MITD1: variants seen among roughly 807,000 people sequenced by gnomAD.
MITD1 encodes the protein microtubule interacting and trafficking domain containing 1, also known as MIT domain-containing protein 1.
A neutral mutation model predicts 34.9 loss-of-function variants in MITD1; 24 were observed. That is an observed-to-expected ratio of 0.69 (90% CI 0.50 to 0.97). The LOEUF is 0.97. MITD1 is among the 50% of genes least tolerant of loss of function. MITD1 has a pLI of 0.00. For missense variants in MITD1, 266 were observed against 294.6 expected (o/e 0.90, Z 0.71); for synonymous variants, 102 against 101.4 (o/e 1.01, Z -0.04).
chr2:99,177,261 A>G (rs1416959604), intron 1 of MITD1, among the ~76,000 whole-genome samples: 2 of 152,124 alleles, frequency 1.3e-5, no homozygotes, highest in Non-Finnish European at 2.9e-5. Flanking sequence ...ATTACGCTAC[A>G]GTTTCTCAGG....
At chr2:99,180,175 C>T (rs6542870) in intron 1 of MITD1, among the ~76,000 whole-genome samples, 91,017 of 152,058 alleles carry the variant, frequency 0.6, 28,015 homozygotes, top group East Asian at 0.88. Context: ...CACACCGAAC[C>T]TCATCCGTTT....
At position 99,171,389 on chromosome 2, in the gene MITD1, C is replaced by G. The variant is rs1278185636; in HGVS notation, c.431G>C (p.Arg144Thr). 2.5e-6 allele frequency: 4 copies of G among 1,612,200 alleles called. No individual in the cohort carries two copies. In the Admixed American group the frequency reaches 5.0e-5, roughly 20 times the overall value. The change falls in exon 4 of 7, where the codon AGA (arginine) becomes ACA (threonine). Residue 144 changes from arginine (R) to threonine (T), a missense_variant. Coordinates refer to ENST00000289359, the MANE Select transcript of MITD1 (RefSeq NM_138798.3). The part of the protein sequence containing the change: ...FLRFCEMLIK[R>T]PCKVKTIHLL... Reference sequence around the variant, plus strand: ...GTGAATAGTTTTTACTTTACATGGTCTCTTAATAAGCATCTCACAAAATCG... The same window carrying G: ...GTGAATAGTTTTTACTTTACATGGTGTCTTAATAAGCATCTCACAAAATCG...
chr2:99,165,019 T>TAC (rs56958044), downstream of MITD1, among the ~76,000 whole-genome samples: 3,532 of 136,662 alleles, frequency 0.026, 101 homozygotes, highest in African/African-American at 0.067. Flanking sequence ...CAAAATGGCA[T>TAC]ACACACACAC....
At chr2:99,176,855 G>A (rs1304207307) in intron 1 of MITD1, among the ~76,000 whole-genome samples, 2 of 151,966 alleles carry the variant, frequency 1.3e-5, no homozygotes, top group African/African-American at 2.4e-5. Context: ...AAGGAGCCTC[G>A]GTCACTTTTA....
chr2:99,161,543 A>G (rs1473857743), downstream of MITD1: 1 of 152,846 alleles, frequency 6.5e-6, no homozygotes, highest in Non-Finnish European at 1.4e-5. Flanking sequence ...TGGCTTTAAG[A>G]TATAGGTAAT....
At chr2:99,162,453 G>C in intron 7 of MITD1, 3 of 1,613,994 alleles carry the variant, frequency 1.9e-6, no homozygotes, top group Non-Finnish European at 2.5e-6. Context: ...CTCAGGAACA[G>C]CTTCTAAGAT....
At chr2:99,174,115 T>A in intron 1 of MITD1, 99 bp from the exon 2 acceptor site, 1 of 665,644 alleles carries the variant, frequency 1.5e-6, no homozygotes, top group Non-Finnish European at 2.5e-6. Flanking sequence ...AAATTTCCTA[T>A]CCTCTAGTAT....
rs778252256 is a variant in MITD1, at chr2:99,162,518, G to A, written c.*4-300C>T. On this transcript the variant is annotated intron_variant, in intron 7 of 7. Transcript: ENST00000422537. ...CTTTATTATGTAGTACTGATGGGAC[G>A]TTCTTGTCTTCTTTGCTAAAGAGCC... is the stretch of plus-strand genomic sequence containing the variant. The A allele has an allele frequency of 2.5e-5, 40 of 1,614,118 alleles. No homozygotes were observed. The East Asian group carries it at 7.1e-4, about 29-fold the overall frequency.
rs543780279 is a variant in MITD1, at chr2:99,173,024, C to T, written c.253+891G>A. 252 of 152,940 alleles carry T rather than the reference C, an allele frequency of 1.6e-3. 1 individual carries two copies. Among genetic ancestry groups the T allele is most frequent in the Non-Finnish European group, 2.8e-3 (194 of 68,586 alleles). 9.5% of individuals were successfully genotyped at this position (152,940 alleles called of 1,614,324 possible). A position where few individuals can be genotyped will look rare whatever the true frequency, so the allele number is the denominator to read the frequency against. On this transcript the variant is annotated intron_variant, in intron 2 of 6. Coordinates refer to ENST00000289359, the MANE Select transcript of MITD1 (RefSeq NM_138798.3). ...GCCTTATTTTTTAAGCCAAGATAGC[C>T]GTATAGAGGTTAATTTAATTCCATG...
chr2:99,166,858 A>ATATATATAT (rs2093829286), downstream of MITD1, among the ~76,000 whole-genome samples: 1 of 115,422 alleles, frequency 8.7e-6, no homozygotes, highest in Non-Finnish European at 1.8e-5. Flanking sequence ...TGGGGTTTTA[A>ATATATATAT]ATATATATAT....
At chr2:99,168,946 ATTTTTTTTTTTTTTTTTT>A (rs1175310553), downstream of MITD1, among the ~76,000 whole-genome samples, 3 of 49,310 alleles carry the variant, frequency 6.1e-5, no homozygotes, top group African/African-American at 2.0e-4. Flanking sequence ...TGCCCGGCTA[ATTTTTTTTTTTTTTTTTT>A]TTTTTTTTTT....
In MITD1 at chr2:99,162,849, G is replaced by C. The variant is rs577007421; in HGVS notation, c.*4-631C>G. Reference sequence around the variant, plus strand: ...TGAACAGTCACACTTGGAAATTAAAGTATTCATAGACATAAAGAATGGAAG... The same window carrying C: ...TGAACAGTCACACTTGGAAATTAAACTATTCATAGACATAAAGAATGGAAG... On this transcript the variant is annotated intron_variant, in intron 7 of 7. Coordinates refer to the MITD1 transcript ENST00000422537. The C allele has an allele frequency of 1.2e-6, 2 of 1,613,122 alleles. No individual in the cohort carries two copies. The highest frequency in any genetic ancestry group is 1.7e-6 in the Non-Finnish European group (2 of 1,179,444).
intron 5 of MITD1, 54 bp downstream of exon 5, chr2:99,170,483 A>C (rs2093849915): frequency 3.5e-6 from 2 of 571,174 alleles, no homozygotes; most frequent in African/African-American, 1.9e-5. Flanking sequence ...ACATTTACAA[A>C]AATTTTAAGT....
rs766243611 is a variant in MITD1, at chr2:99,169,483, G to A, written c.655-13C>T. ...GGGAAAAACGACTCTAAGAAGAGAA[G>A]AAAAGAGTATCATTAAAAATGATAC... On this transcript the variant is annotated splice_polypyrimidine_tract_variant and intron_variant, in intron 6 of 6. Coordinates refer to ENST00000289359, the MANE Select transcript of MITD1 (RefSeq NM_138798.3). 1.2e-6 allele frequency: 2 copies of A among 1,607,612 alleles called. No homozygotes were observed. Among genetic ancestry groups the A allele is most frequent in the South Asian group, 2.2e-5 (2 of 90,338 alleles).
chr2:99,176,512 A>C (rs2093887417), intron 1 of MITD1, among the ~76,000 whole-genome samples: 1 of 151,782 alleles, frequency 6.6e-6, no homozygotes, highest in African/African-American at 2.4e-5. Context: ...TTTTTAGTAG[A>C]GACAGGGTTT....
At chr2:99,179,649 G>C (rs540325045) in intron 1 of MITD1, among the ~76,000 whole-genome samples, 3 of 151,968 alleles carry the variant, frequency 2.0e-5, no homozygotes, top group Non-Finnish European at 2.9e-5. Context: ...TGCAACCTCC[G>C]CCTCCCGGAT....
rs1415510379 is a variant in MITD1 at position 99,163,195 on chromosome 2, A to AC, written c.*4-978_*4-977insG. On this transcript the variant is annotated intron_variant, in intron 7 of 7. Coordinates refer to the MITD1 transcript ENST00000422537. ...TAGTAACGTCAAAAAAAAAAAACAA[A>AC]ACACAACAACCTAGTCTCTTTCAGT... The AC allele has an allele frequency of 1.1e-5, 7 of 642,652 alleles. No individual in the cohort carries two copies. The East Asian group carries it at 1.2e-4, about 11-fold the overall frequency. 39.8% of individuals were successfully genotyped at this position (642,652 alleles called of 1,614,324 possible).
At chr2:99,171,911 G>A (rs995884614) in intron 2 of MITD1, 12 of 387,048 alleles carry the variant, frequency 3.1e-5, no homozygotes, top group African/African-American at 2.2e-4. Flanking sequence ...CCTGGAACAG[G>A]TCCTTGAGCA....
chr2:99,171,230 T>C, intron 4 of MITD1, 113 bp downstream of exon 4: 1 of 773,722 alleles, frequency 1.3e-6, no homozygotes, highest in Admixed American at 2.3e-5. Flanking sequence ...AATAAGTTAA[T>C]TCCCAAGGAA....
Sources: gnomAD v4.1 joint callset for allele counts (sites outside exome capture counted in the v4.1 genomes callset) on GRCh38, gnomAD v4.1.1 for gene constraint, MANE v1.5 for transcripts, NCBI Gene and HGNC (gene_info 2026-07-23, HGNC 2026-07-21) for gene names.